PTPRN2: variants seen among roughly 807,000 people sequenced by gnomAD.
PTPRN2 encodes receptor-type tyrosine-protein phosphatase N2.
PTPRN2 carries 74 observed loss-of-function variants against 118.8 expected under a neutral mutation model. The ratio of observed to expected loss-of-function variants is 0.62; its 90% CI spans 0.52 to 0.76. The LOEUF (loss-of-function observed/expected upper bound fraction) is 0.76, where lower values mean the gene tolerates loss of function less well. Ranked by LOEUF, PTPRN2 falls within the 30% of genes least tolerant of loss-of-function variation. The probability of loss-of-function intolerance (pLI) is 0.00; values close to 1 mark genes in which losing one functional copy is unlikely to be tolerated. For synonymous variants in PTPRN2, 641 were observed against 608.0 expected (o/e 1.05, Z -0.80); for missense variants, 1,481 against 1,394.4 (o/e 1.06, Z -0.99).
Position 157,603,990 on chromosome 7 carries a change from C to A in PTPRN2, c.2418+12G>T, listed in dbSNP as rs759775131. On this transcript the variant is annotated intron_variant, in intron 16 of 22. Coordinates refer to ENST00000389418, the MANE Select transcript of PTPRN2 (RefSeq NM_002847.5). This position sits in a 1 kb window ranked among gnomAD's most constrained non-coding sequence, Gnocchi z 5.4. The stretch of plus-strand genomic sequence containing the variant: ...GGAAAGCCTGGGGCCCCTGTCCCGG[C>A]AGTGCACTTACGATGGGGCTAGCGT... 5 of 1,613,082 alleles carry A rather than the reference C, an allele frequency of 3.1e-6. No homozygotes were observed. The East Asian group carries it at 1.1e-4, about 36-fold the overall frequency.
intron 2 of PTPRN2, among the ~76,000 whole-genome samples, chr7:158,412,769 A>T (rs1371161744): frequency 1.7e-4 from 13 of 76,354 alleles, no homozygotes; most frequent in Admixed American, 4.7e-4. Context: ...CCTCCTCAGC[A>T]CCAGGGCCCA....
chr7:158,141,996 C>T (rs139550336), intron 6 of PTPRN2, among the ~76,000 whole-genome samples: 5 of 152,354 alleles, frequency 3.3e-5, no homozygotes, highest in South Asian at 2.1e-4. Context: ...CTCTGGCCGA[C>T]GTTGAGGCCT....
chr7:158,070,414 CGTG>C (rs1192580121), intron 11 of PTPRN2, among the ~76,000 whole-genome samples: 1 of 93,040 alleles, frequency 1.1e-5, no homozygotes, highest in Non-Finnish European at 2.0e-5. Flanking sequence ...TGGACGTGCT[CGTG>C]GTGGTGGTGC....
intron 11 of PTPRN2, among the ~76,000 whole-genome samples, chr7:158,070,990 TG>T (rs1811366458): frequency 1.8e-5 from 2 of 112,604 alleles, no homozygotes; most frequent in East Asian, 2.6e-4. Context: ...CCCGTGGTGG[TG>T]GAGGTGCTCA....
intron 1 of PTPRN2, among the ~76,000 whole-genome samples, chr7:158,576,492 C>A (rs2129451817): frequency 6.6e-6 from 1 of 152,320 alleles, no homozygotes; most frequent in African/African-American, 2.4e-5. Flanking sequence ...GACATGGGGG[C>A]TGCTAAGGAG....
Position 158,087,947 on chromosome 7 carries a change from T to C in PTPRN2, c.1644-6570A>G, listed in dbSNP as rs561939072. Reference sequence around the variant, plus strand: ...TCTTCCCCTGATGAAAGAGGGAGTCTTCACACAAACCTTCTTCCCCTGATG... The same window carrying C: ...TCTTCCCCTGATGAAAGAGGGAGTCCTCACACAAACCTTCTTCCCCTGATG... On this transcript the variant is annotated intron_variant, in intron 10 of 22. Coordinates refer to ENST00000389418, the MANE Select transcript of PTPRN2 (RefSeq NM_002847.5). 2.9e-4 allele frequency among the ~76,000 whole-genome samples: 31 copies of C among 106,904 alleles called. 1 individual carries two copies. Among genetic ancestry groups the C allele is most frequent in the African/African-American group, 8.9e-4 (31 of 34,844 alleles). 70.1% of individuals were successfully genotyped at this position (106,904 alleles called of 152,430 possible). A position where few individuals can be genotyped will look rare whatever the true frequency, so the allele number is the denominator to read the frequency against.
intron 4 of PTPRN2, among the ~76,000 whole-genome samples, chr7:158,193,250 A>G (rs1357067905): frequency 6.6e-6 from 1 of 152,164 alleles, no homozygotes; most frequent in African/African-American, 2.4e-5. Context: ...ACGGCTGGCC[A>G]GGGGCCCCAT....
chr7:157,767,280 TA>T, intron 12 of PTPRN2, among the ~76,000 whole-genome samples: 1 of 152,288 alleles, frequency 6.6e-6, no homozygotes, highest in East Asian at 1.9e-4. Context: ...CCTTGGACCC[TA>T]CCAATTTAAG....
At chr7:158,086,881 T>C (rs1813458856) in intron 10 of PTPRN2, among the ~76,000 whole-genome samples, 1 of 152,202 alleles carries the variant, frequency 6.6e-6, no homozygotes, top group South Asian at 2.1e-4. Flanking sequence ...CACACATCAA[T>C]AACCTTATTA....
chr7:157,547,365 C>T lies in PTPRN2; in HGVS notation c.2976+1581G>A, dbSNP rs113761103. Among the ~76,000 whole-genome samples the T allele has an allele frequency of 3.1e-3, 475 of 152,270 alleles. 1 individual carries two copies. The highest frequency in any genetic ancestry group is 0.011 in the African/African-American group (453 of 41,554). On this transcript the variant is annotated intron_variant, in intron 22 of 22. Transcript: ENST00000389418. ...CTCTTTTACTGCTAGGCAGCCAGTACAGGAGGATGGTCAGTGCGGCAAGAT... is the reference window on the plus strand; with the variant it reads ...CTCTTTTACTGCTAGGCAGCCAGTATAGGAGGATGGTCAGTGCGGCAAGAT...
rs1563316191 is a variant in PTPRN2, at chr7:158,456,541, C to CA, written c.163+33193_163+33194insT. On this transcript the variant is annotated intron_variant, in intron 2 of 22. Transcript: ENST00000389418. ...TCGGCCATGGCCCCCCATCGCTCTG[C>CA]GGAGAACATAACGGCACGGATGCCA... 3.4e-4 allele frequency among the ~76,000 whole-genome samples: 52 copies of CA among 151,234 alleles called. 2 individuals are homozygous for CA. Among genetic ancestry groups the CA allele is most frequent in the African/African-American group, 1.2e-3 (48 of 41,082 alleles).
intron 11 of PTPRN2, among the ~76,000 whole-genome samples, chr7:158,018,434 C>T (rs117273976): frequency 3.6e-4 from 55 of 152,284 alleles, no homozygotes; most frequent in East Asian, 1.2e-3. Context: ...CGTAGAAAAC[C>T]GTGAAGCTGG....
chr7:157,992,415 G>A (rs1008034096), intron 11 of PTPRN2, among the ~76,000 whole-genome samples: 3 of 152,246 alleles, frequency 2.0e-5, no homozygotes, highest in Non-Finnish European at 2.9e-5. Flanking sequence ...CCTGTGGGAA[G>A]AGCTGGCAGG....
chr7:157,967,445 G>A (rs1294348221), intron 11 of PTPRN2, among the ~76,000 whole-genome samples: 1 of 152,188 alleles, frequency 6.6e-6, no homozygotes, highest in Non-Finnish European at 1.5e-5. Context: ...GGAAGGTGCA[G>A]GTAGAGACTC....
intron 2 of PTPRN2, among the ~76,000 whole-genome samples, chr7:158,476,910 A>G (rs769758599): frequency 6.6e-6 from 1 of 152,244 alleles, no homozygotes; most frequent in Non-Finnish European, 1.5e-5. Context: ...ATCTGAGCTC[A>G]CATGTGTGTG....
chr7:158,513,679 G>A (rs1823335321), intron 1 of PTPRN2, among the ~76,000 whole-genome samples: 1 of 152,176 alleles, frequency 6.6e-6, no homozygotes, highest in Admixed American at 6.5e-5. Flanking sequence ...AATGCTATAG[G>A]TTAATACTTC....
At position 158,073,410 on chromosome 7, in the gene PTPRN2, G is replaced by T. The variant is rs80304421; in HGVS notation, c.1723+7888C>A. On this transcript the variant is annotated intron_variant, in intron 11 of 22. Coordinates refer to ENST00000389418, the MANE Select transcript of PTPRN2 (RefSeq NM_002847.5). ...GGGCCCATGCGTTGGCTTCAGGGCC[G>T]CACTGGCCTCTCCCTGCAGGCTCCA... is the stretch of plus-strand genomic sequence containing the variant. Among the ~76,000 whole-genome samples the T allele has an allele frequency of 2.9e-3, 439 of 152,266 alleles. 4 individuals are homozygous for T. The highest frequency in any genetic ancestry group is 1.0e-2 in the African/African-American group (414 of 41,536).
intron 12 of PTPRN2, among the ~76,000 whole-genome samples, chr7:157,805,638 G>T (rs979993787): frequency 2.0e-5 from 3 of 152,198 alleles, no homozygotes; most frequent in African/African-American, 7.2e-5. Flanking sequence ...CAGCCTGTTT[G>T]CCAGTTAAGC....
chr7:157,761,980 A>G (rs1479784653), intron 12 of PTPRN2, among the ~76,000 whole-genome samples: 1 of 152,226 alleles, frequency 6.6e-6, no homozygotes, highest in Non-Finnish European at 1.5e-5. Flanking sequence ...GCAGCCAAAA[A>G]ACACATGAAA....
Sources: gnomAD v4.1 joint callset for allele counts (sites outside exome capture counted in the v4.1 genomes callset) on GRCh38, gnomAD v4.1.1 for gene constraint, Gnocchi (gnomAD v3.1) non-coding constraint, MANE v1.5 for transcripts, NCBI Gene and HGNC (gene_info 2026-07-23, HGNC 2026-07-21) for gene names.